Variants in BCO1 observed in about 807,000 individuals in gnomAD.
BCO1 encodes beta,beta-carotene 15,15'-dioxygenase.
In BCO1, 54 loss-of-function variants were observed where a neutral mutation model predicts 56.3. The ratio of observed to expected loss-of-function variants is 0.96; its 90% confidence interval spans 0.77 to 1.20. The LOEUF (loss-of-function observed/expected upper bound fraction) is 1.20. Ranked by LOEUF, BCO1 falls within the 50% of genes most tolerant of loss-of-function variation. The probability of loss-of-function intolerance (pLI) is 0.00; values close to 1 mark genes in which losing one functional copy is unlikely to be tolerated. For synonymous variants in BCO1, 318 were observed against 266.1 expected (o/e 1.20, Z -1.90); for missense variants, 801 against 690.9 (o/e 1.16, Z -1.79).
At chr16:81,269,623 A>G (rs1907060734) in intron 6 of BCO1, among the ~76,000 whole-genome samples, 1 of 152,152 alleles carries the variant, frequency 6.6e-6, no homozygotes, top group Admixed American at 6.5e-5. Context: ...AAGTGCCACC[A>G]TGCCTGGCTA....
At chr16:81,267,411 G>C (rs553287114) in intron 5 of BCO1, among the ~76,000 whole-genome samples, 2 of 152,166 alleles carry the variant, frequency 1.3e-5, no homozygotes, top group African/African-American at 4.8e-5. Flanking sequence ...TCAGGAGTTC[G>C]AGAACAGCCT....
rs1908421093 is a variant in BCO1 at position 81,290,807 on chromosome 16, G to T, written c.*230G>T. On this transcript the variant is annotated 3_prime_UTR_variant, in exon 11 of 11. Transcript: ENST00000258168. The stretch of plus-strand genomic sequence containing the variant: ...TTGAACATCAAATATGTATTGATTA[G>T]ATCCAGTCCTTCTAAGAAACCTCCT... 6.2e-6 allele frequency: 3 copies of T among 487,358 alleles called. No homozygotes were observed. Among genetic ancestry groups the T allele is most frequent in the Non-Finnish European group, 1.1e-5 (3 of 275,790 alleles). 30.2% of individuals were successfully genotyped at this position (487,358 alleles called of 1,614,324 possible). A position where few individuals can be genotyped will look rare whatever the true frequency, so the allele number is the denominator to read the frequency against.
chr16:81,242,446 C>G (rs1353434495), intron 1 of BCO1, among the ~76,000 whole-genome samples: 1 of 152,092 alleles, frequency 6.6e-6, no homozygotes, highest in African/African-American at 2.4e-5. Flanking sequence ...AGTGATCCAT[C>G]CGCCTTGGCC....
At chr16:81,281,956 C>T (rs1471731835) in intron 8 of BCO1, among the ~76,000 whole-genome samples, 2 of 152,240 alleles carry the variant, frequency 1.3e-5, no homozygotes, top group African/African-American at 4.8e-5. Flanking sequence ...TGTTGCTGTG[C>T]TCACAGCGTA....
At chr16:81,242,115 GC>G (rs944320110) in intron 1 of BCO1, among the ~76,000 whole-genome samples, 6 of 150,760 alleles carry the variant, frequency 4.0e-5, no homozygotes, top group African/African-American at 1.5e-4. Flanking sequence ...TCTCAAGCCT[GC>G]CCCCTCTCCT....
chr16:81,287,799 G>T (rs1908268943), intron 10 of BCO1, among the ~76,000 whole-genome samples: 1 of 152,146 alleles, frequency 6.6e-6, no homozygotes, highest in Admixed American at 6.6e-5. Context: ...TCCAAGTAGA[G>T]TCACAGATAG....
At chr16:81,274,911 A>C (rs1299352007) in intron 7 of BCO1, among the ~76,000 whole-genome samples, 2 of 152,046 alleles carry the variant, frequency 1.3e-5, no homozygotes, top group East Asian at 3.9e-4. Flanking sequence ...CAAAAAAAAA[A>C]AAAAAGAAAG....
At chr16:81,243,422 T>A (rs995574520) in intron 1 of BCO1, among the ~76,000 whole-genome samples, 6 of 152,036 alleles carry the variant, frequency 3.9e-5, no homozygotes, top group African/African-American at 1.4e-4. Flanking sequence ...CGGTCCAGTC[T>A]TACTAAACAG....
At chr16:81,241,843 G>A (rs1457303259) in intron 1 of BCO1, among the ~76,000 whole-genome samples, 1 of 152,168 alleles carries the variant, frequency 6.6e-6, no homozygotes. Context: ...CATGCAGGGA[G>A]CACATGCAAA....
chr16:81,249,066 C>G (rs898309145), intron 2 of BCO1, among the ~76,000 whole-genome samples: 3 of 151,202 alleles, frequency 2.0e-5, no homozygotes, highest in Non-Finnish European at 4.4e-5. Flanking sequence ...CCCCAGGCTG[C>G]CAGCTCCTCC....
rs1425087165 is a variant in BCO1 at position 81,268,088 on chromosome 16, G to A, written c.800G>A (p.Arg267Lys). 6.2e-7 allele frequency: 1 copy of A among 1,612,494 alleles called. No individual in the cohort carries two copies. The highest frequency in any genetic ancestry group is 8.5e-7 in the Non-Finnish European group (1 of 1,180,028). The change falls in exon 6 of 11, where the codon AGA becomes AAA. Residue 267 changes from arginine (R) to lysine (K), a missense_variant. Coordinates refer to ENST00000258168, the MANE Select transcript of BCO1 (RefSeq NM_017429.3). ...ILKMATAYIR[R>K]MSWASCLAFH... ...AAGATGGCAACCGCATACATCCGGAGAATGAGCTGGGCCTCCTGCCTGGCT... is the reference window on the plus strand; with the variant it reads ...AAGATGGCAACCGCATACATCCGGAAAATGAGCTGGGCCTCCTGCCTGGCT...
rs932555097 is a variant in BCO1 at position 81,261,860 on chromosome 16, G to A, written c.324-276G>A. The A allele has an allele frequency of 1.6e-5, 6 of 382,316 alleles. No homozygotes were observed. The Admixed American group carries it at 2.2e-4, about 14-fold the overall frequency. The allele number at this position is 382,316 out of a possible 1,614,324, so 23.7% of individuals were successfully genotyped here. ...GGGTTCACGCCATTCTCCTGCCTCA[G>A]CCTCCCGAGTAGCTGGGACTACAGG... On this transcript the variant is annotated intron_variant, in intron 3 of 10. Transcript: ENST00000258168.
At chr16:81,285,048 C>T (rs887444931) in intron 8 of BCO1, among the ~76,000 whole-genome samples, 1 of 151,898 alleles carries the variant, frequency 6.6e-6, no homozygotes, top group Non-Finnish European at 1.5e-5. Flanking sequence ...CCATGTTGGC[C>T]AGGCTGGTCT....
chr16:81,279,445 T>C (rs1907740668), intron 7 of BCO1, among the ~76,000 whole-genome samples: 1 of 152,094 alleles, frequency 6.6e-6, no homozygotes, highest in Non-Finnish European at 1.5e-5. Flanking sequence ...TAATAAGTGA[T>C]AGTAGTAGTA....
chr16:81,261,190 C>T (rs1352930916), intron 3 of BCO1, among the ~76,000 whole-genome samples: 2 of 152,140 alleles, frequency 1.3e-5, no homozygotes, highest in African/African-American at 4.8e-5. Flanking sequence ...TTTGAAACCA[C>T]GACCTGGAGG....
intron 5 of BCO1, among the ~76,000 whole-genome samples, chr16:81,266,221 A>G (rs1179663160): frequency 6.6e-6 from 1 of 152,070 alleles, no homozygotes; most frequent in Non-Finnish European, 1.5e-5. Context: ...GACCTTCTCC[A>G]TGTGGGGCTG....
chr16:81,264,835 C>G, intron 5 of BCO1, 48 bp downstream of exon 5: 1 of 1,606,578 alleles, frequency 6.2e-7, no homozygotes, highest in Non-Finnish European at 8.5e-7. Context: ...CCAAGTGTGG[C>G]TTCTTCTGAA....
Position 81,279,397 on chromosome 16 carries a change from C to T in BCO1, c.1102-1460C>T, listed in dbSNP as rs147648588. On this transcript the variant is annotated intron_variant, in intron 7 of 10. Transcript: ENST00000258168. Reference sequence around the variant, plus strand: ...CCTCAATATCTTCCAGAGCCTAACCCGTAGTCACCTCCAGTAGTGGTGGCA... The same window carrying T: ...CCTCAATATCTTCCAGAGCCTAACCTGTAGTCACCTCCAGTAGTGGTGGCA... 2.6e-3 allele frequency among the ~76,000 whole-genome samples: 398 copies of T among 152,216 alleles called. 2 individuals are homozygous for T. The highest frequency in any genetic ancestry group is 8.5e-3 in the African/African-American group (354 of 41,534).
At chr16:81,262,337 G>A (rs750400189) in intron 4 of BCO1, 54 bp downstream of exon 4, 9 of 1,578,478 alleles carry the variant, frequency 5.7e-6, no homozygotes, top group Middle Eastern at 1.7e-4. Flanking sequence ...AGGGAGAGTC[G>A]GCGACGGCCG....
Sources: allele counts gnomAD v4.1 joint callset (sites outside exome capture counted in the v4.1 genomes callset), GRCh38; gene constraint gnomAD v4.1.1; transcripts MANE v1.5; gene names NCBI Gene and HGNC (gene_info 2026-07-23, HGNC 2026-07-21).